BLNK: variants seen among roughly 807,000 people sequenced by gnomAD.
BLNK encodes B-cell linker protein.
Under a neutral mutation model 73.5 loss-of-function variants are expected in BLNK, and 29 were observed. The observed-to-expected ratio is 0.39, with a 90% CI of 0.29 to 0.54. The LOEUF (loss-of-function observed/expected upper bound fraction) is 0.54, where lower values mean the gene tolerates loss of function less well. BLNK is among the 20% of genes least tolerant of loss of function. The pLI is 0.61. For synonymous variants in BLNK, 176 were observed against 200.8 expected (o/e 0.88, Z 1.04); for missense variants, 460 against 562.8 (o/e 0.82, Z 1.85).
At chr10:96,201,211 C>T (rs1194666744) in intron 13 of BLNK, among the ~76,000 whole-genome samples, 153 bp from the exon 14 acceptor site, 4 of 152,130 alleles carry the variant, frequency 2.6e-5, no homozygotes, top group Non-Finnish European at 4.4e-5. Flanking sequence ...TCCAAGGACC[C>T]CTGGAAATCT....
intron 2 of BLNK, among the ~76,000 whole-genome samples, chr10:96,246,312 G>GGAGGCT (rs1194807178): frequency 1.4e-4 from 22 of 152,154 alleles, no homozygotes. Context: ...CAGCACTTTG[G>GGAGGCT]GAGGCTGAGG....
At chr10:96,229,654 C>CCGTGTGTGTGTGTG (rs1554903569) in intron 4 of BLNK, among the ~76,000 whole-genome samples, 1 of 142,586 alleles carries the variant, frequency 7.0e-6, no homozygotes, top group African/African-American at 2.6e-5. Context: ...TTACATGTGG[C>CCGTGTGTGTGTGTG]TGTGTGTGTG....
At chr10:96,195,855 A>C (rs1156457159) in intron 16 of BLNK, among the ~76,000 whole-genome samples, 1 of 152,212 alleles carries the variant, frequency 6.6e-6, no homozygotes, top group Non-Finnish European at 1.5e-5. Context: ...TGACTTTTTC[A>C]GTTTGTTTTG....
At position 96,189,698 on chromosome 10, in the gene BLNK, AATCATCATCATCATCATCATC is replaced by A; in HGVS notation, c.*2254_*2274del. 1 of 655,362 alleles carries A rather than the reference AATCATCATCATCATCATCATC, an allele frequency of 1.5e-6. No homozygotes were observed. Among genetic ancestry groups the A allele is most frequent in the Middle Eastern group, 4.4e-4 (1 of 2,274 alleles). The allele number at this position is 655,362 out of a possible 1,614,324, so 40.6% of individuals were successfully genotyped here. On this transcript the variant is annotated 3_prime_UTR_variant, in exon 17 of 17. Coordinates refer to ENST00000224337, the MANE Select transcript of BLNK (RefSeq NM_013314.4). ...TTTTCTTCAGTTTCCTCATCATCAA[AATCATCATCATCATCATCATC>A]ATCATCATCATCATCTTCATCAGCA...
Position 96,247,048 on chromosome 10 carries a change from G to T in BLNK, c.49C>A (p.Gln17Lys), listed in dbSNP as rs782515867. The T allele has an allele frequency of 3.2e-5, 51 of 1,598,790 alleles. No individual in the cohort carries two copies. Among genetic ancestry groups the T allele is most frequent in the Non-Finnish European group, 4.3e-5 (50 of 1,173,498 alleles). ...ITVPASQKLRQLQKMVHDIKN... is the reference protein window; with the variant it reads ...ITVPASQKLRKLQKMVHDIKN... ...ATATCATGGACCATCTTTTGAAGCT[G>T]CCTGTAAAAAACAAAATTAAACATA... Residue 17 changes from glutamine (Q) to lysine (K), a missense_variant and splice_region_variant, in exon 2 of 17, where the codon CAG (glutamine) becomes AAG (lysine). By Grantham distance (53) the Gln-to-Lys change is moderately conservative (BLOSUM62 1). Around this residue, in one of 3 missense-constraint regions of BLNK, gnomAD observed 139 missense variants for 187.3 expected, o/e 0.74. Transcript: ENST00000224337.
At chr10:96,246,854 T>A (rs1193001911) in intron 2 of BLNK, 130 bp downstream of exon 2, 1 of 650,218 alleles carries the variant, frequency 1.5e-6, no homozygotes, top group Non-Finnish European at 2.6e-6. Context: ...TTCCAGCCAA[T>A]AGTAAAGAAG....
At chr10:96,251,395 G>A (rs1843280150) in intron 1 of BLNK, among the ~76,000 whole-genome samples, 1 of 152,216 alleles carries the variant, frequency 6.6e-6, no homozygotes, top group Admixed American at 6.5e-5. Context: ...TGCACAACTG[G>A]TCTGTTCCAG....
intron 5 of BLNK, among the ~76,000 whole-genome samples, chr10:96,225,460 T>C (rs1842212610): frequency 6.6e-6 from 1 of 152,152 alleles, no homozygotes; most frequent in Non-Finnish European, 1.5e-5. Context: ...CTCAGAAGCC[T>C]CTTTCTGGTG....
At chr10:96,221,404 T>C (rs10882745) in intron 6 of BLNK, among the ~76,000 whole-genome samples, 18,987 of 152,270 alleles carry the variant, frequency 0.12, 1,685 homozygotes, top group East Asian at 0.45. Flanking sequence ...ACTTGACTTC[T>C]TCTTTTCCCA....
intron 15 of BLNK, among the ~76,000 whole-genome samples, chr10:96,198,822 C>T (rs1316739088): frequency 6.6e-6 from 1 of 152,190 alleles, no homozygotes; most frequent in African/African-American, 2.4e-5. Flanking sequence ...CTTCAGCCTC[C>T]GGAGGAGCTG....
intron 3 of BLNK, among the ~76,000 whole-genome samples, chr10:96,231,726 CAAAAAA>C (rs148206344): frequency 3.0e-4 from 34 of 113,206 alleles, no homozygotes; most frequent in African/African-American, 5.2e-4. Context: ...GACCCTGTCT[CAAAAAA>C]AAAAAAAAAA....
chr10:96,200,181 C>A lies in BLNK; in HGVS notation c.1012-23G>T. ...TTCCTGTGAAATGGAGGGCACTGGT[C>A]AGCATGGGATGGTCCCTACTTAACT... On this transcript the variant is annotated intron_variant, in intron 14 of 16. Coordinates refer to ENST00000224337, the MANE Select transcript of BLNK (RefSeq NM_013314.4). This position sits in a 1 kb window ranked among gnomAD's most constrained non-coding sequence, Gnocchi z 4.3. 1 of 1,607,224 alleles carries A rather than the reference C, an allele frequency of 6.2e-7. No individual in the cohort carries two copies. The highest frequency in any genetic ancestry group is 1.1e-5 in the South Asian group (1 of 90,734).
chr10:96,259,599 C>A (rs1843658119), intron 1 of BLNK, among the ~76,000 whole-genome samples: 1 of 141,594 alleles, frequency 7.1e-6, no homozygotes, highest in Non-Finnish European at 1.5e-5. Context: ...GCTGCCAGGG[C>A]TGTTTCTTAC....
At chr10:96,198,234 A>G (rs2083525919) in intron 15 of BLNK, among the ~76,000 whole-genome samples, 1 of 152,158 alleles carries the variant, frequency 6.6e-6, no homozygotes, top group South Asian at 2.1e-4. Context: ...GATTTAATAA[A>G]ATAAGTACCA....
chr10:96,210,190 A>G, intron 8 of BLNK: 2 of 446,330 alleles, frequency 4.5e-6, no homozygotes, highest in South Asian at 2.1e-5. Context: ...CCCCTGCCCC[A>G]TGGGGCAAGT....
chr10:96,215,023 G>A (rs1554899527), intron 8 of BLNK, among the ~76,000 whole-genome samples: 3 of 152,154 alleles, frequency 2.0e-5, no homozygotes, highest in Non-Finnish European at 4.4e-5. Context: ...AGAACTGTGG[G>A]TTGAGGGCTG....
intron 6 of BLNK, among the ~76,000 whole-genome samples, chr10:96,219,755 A>T (rs1392553518): frequency 6.6e-6 from 1 of 152,230 alleles, no homozygotes; most frequent in Non-Finnish European, 1.5e-5. Flanking sequence ...TGAGGGTAAG[A>T]TGTCCTTGGT....
rs1554892940 is a variant in BLNK at position 96,189,345 on chromosome 10, T to G, written c.*2628A>C. 1.8e-6 allele frequency: 1 copy of G among 551,490 alleles called. No homozygotes were observed. Among genetic ancestry groups the G allele is most frequent in the African/African-American group, 1.9e-5 (1 of 52,638 alleles). 34.2% of individuals were successfully genotyped at this position (551,490 alleles called of 1,614,324 possible). On this transcript the variant is annotated 3_prime_UTR_variant, in exon 17 of 17. Coordinates refer to ENST00000224337, the MANE Select transcript of BLNK (RefSeq NM_013314.4). ...ATAAGATGGAAAAATGTTAACAAAT[T>G]GTTTAAACTATTTTCTAAAGAGACT... is the stretch of plus-strand genomic sequence containing the variant.
chr10:96,224,027 G>A, intron 5 of BLNK, 38 bp from the exon 6 acceptor site: 4 of 1,610,496 alleles, frequency 2.5e-6, no homozygotes, highest in Non-Finnish European at 3.4e-6. Flanking sequence ...CATAAAAGAG[G>A]CTCTGGATCA....
Sources: gnomAD v4.1 joint callset for allele counts (sites outside exome capture counted in the v4.1 genomes callset) on GRCh38, gnomAD v4.1.1 for gene constraint, gnomAD v4.1.1 regional missense constraint, Gnocchi (gnomAD v3.1) non-coding constraint, MANE v1.5 for transcripts, NCBI Gene and HGNC (gene_info 2026-07-23, HGNC 2026-07-21) for gene names.